Variants in NDUFAF5 observed in about 807,000 individuals in gnomAD.
The protein encoded by NDUFAF5 is arginine-hydroxylase NDUFAF5, mitochondrial.
In NDUFAF5, 34 loss-of-function variants were observed where a neutral mutation model predicts 48.9. The observed-to-expected ratio is 0.70, with a 90% CI of 0.53 to 0.93. The LOEUF is 0.93. Among genes scored for constraint, NDUFAF5 ranks in the 40% least tolerant of loss-of-function variants. The pLI, the probability that NDUFAF5 is intolerant of heterozygous loss-of-function variation, is 0.00. For synonymous variants in NDUFAF5, 153 were observed against 150.6 expected, an observed-to-expected ratio of 1.02 and a Z score of -0.12; for missense variants, 428 against 427.5, an observed-to-expected ratio of 1.00 and a Z score of -0.01.
chr20:13,785,305 CGGCG>C lies in NDUFAF5; in HGVS notation c.222+18_222+21del. On this transcript the variant is annotated intron_variant, in intron 1 of 10. Coordinates refer to ENST00000378106, the MANE Select transcript of NDUFAF5 (RefSeq NM_024120.5). ...TGAAGGAGGAGGTGAGCCCGCGGGG[CGGCG>C]GGGCGGCGGGGCGGGCGACGCGGAG... 6.6e-7 allele frequency: 1 copy of C among 1,521,974 alleles called. No homozygotes were observed. Among genetic ancestry groups the C allele is most frequent in the Non-Finnish European group, 8.9e-7 (1 of 1,121,378 alleles). 94.3% of individuals were successfully genotyped at this position (1,521,974 alleles called of 1,614,324 possible). A position where few individuals can be genotyped will look rare whatever the true frequency, so the allele number is the denominator to read the frequency against.
chr20:13,785,317 G>GGGGCGGCGGGGCGGCA, intron 1 of NDUFAF5, 27 bp downstream of exon 1: 2 of 1,446,804 alleles, frequency 1.4e-6, no homozygotes, highest in Non-Finnish European at 1.9e-6. Flanking sequence ...GCGGGGCGGC[G>GGGGCGGCGGGGCGGCA]GGGCGGGCGA....
At chr20:13,790,256 T>C (rs1355413325) in intron 3 of NDUFAF5, among the ~76,000 whole-genome samples, 1 of 152,132 alleles carries the variant, frequency 6.6e-6, no homozygotes, top group African/African-American at 2.4e-5. Context: ...ATGGGATGTA[T>C]GAGAGAGACC....
intron 2 of NDUFAF5, 108 bp downstream of exon 2, chr20:13,787,460 C>T: frequency 9.9e-7 from 1 of 1,011,064 alleles, no homozygotes; most frequent in Non-Finnish European, 1.6e-6. Context: ...GAAGAATTTA[C>T]TCAGACTGGT....
Position 13,817,320 on chromosome 20 carries a change from A to C in NDUFAF5, c.*110A>C, listed in dbSNP as rs117751358. On this transcript the variant is annotated 3_prime_UTR_variant, in exon 11 of 11. Coordinates refer to ENST00000378106, the MANE Select transcript of NDUFAF5 (RefSeq NM_024120.5). ...GAAGCACTCTAAGCTATTTACTAATAGGCTTTTCATATAATTAGGAAAACC... is the reference window on the plus strand; with the variant it reads ...GAAGCACTCTAAGCTATTTACTAATCGGCTTTTCATATAATTAGGAAAACC... The C allele has an allele frequency of 5.1e-3, 4,430 of 870,312 alleles. 17 individuals are homozygous for C. Among genetic ancestry groups the C allele is most frequent in the Non-Finnish European group, 7.2e-3 (3,634 of 506,900 alleles). 53.9% of individuals were successfully genotyped at this position (870,312 alleles called of 1,614,324 possible). A position where few individuals can be genotyped will look rare whatever the true frequency, so the allele number is the denominator to read the frequency against.
At chr20:13,789,294 A>G (rs753237460) in intron 3 of NDUFAF5, among the ~76,000 whole-genome samples, 3 of 151,510 alleles carry the variant, frequency 2.0e-5, no homozygotes, top group Non-Finnish European at 4.4e-5. Context: ...CCTCCCAAGT[A>G]GCTGGGATTA....
intron 3 of NDUFAF5, among the ~76,000 whole-genome samples, chr20:13,790,761 C>G (rs1380550891): frequency 6.6e-6 from 1 of 152,228 alleles, no homozygotes; most frequent in Non-Finnish European, 1.5e-5. Flanking sequence ...CTTGCAGTCT[C>G]TCAAACAGGC....
At chr20:13,785,833 C>A (rs533320500) in intron 1 of NDUFAF5, among the ~76,000 whole-genome samples, 1 of 152,078 alleles carries the variant, frequency 6.6e-6, no homozygotes. Context: ...TATATTGGGT[C>A]ACATGAAATA....
intron 3 of NDUFAF5, among the ~76,000 whole-genome samples, chr20:13,792,089 AG>A (rs1188967284): frequency 6.6e-6 from 1 of 152,198 alleles, no homozygotes; most frequent in African/African-American, 2.4e-5. Flanking sequence ...TTCCAACTCC[AG>A]GGACCTCTGC....
chr20:13,817,920 A>G lies in NDUFAF5; in HGVS notation c.*710A>G, dbSNP rs1381604692. ...GGAGGGTTCAAAATCATTTGGAGAT[A>G]ATCAAGCTCAGACAGCTTAGGATAG... On this transcript the variant is annotated 3_prime_UTR_variant, in exon 11 of 11. Transcript: ENST00000378106. The G allele has an allele frequency of 2.2e-6, 1 of 454,166 alleles. No individual in the cohort carries two copies. The highest frequency in any genetic ancestry group is 6.9e-5 in the East Asian group (1 of 14,404). 28.1% of individuals were successfully genotyped at this position (454,166 alleles called of 1,614,324 possible).
intron 4 of NDUFAF5, 32 bp from the exon 5 acceptor site, chr20:13,794,806 G>T (rs769702775): frequency 8.0e-7 from 1 of 1,242,896 alleles, no homozygotes; most frequent in Non-Finnish European, 1.2e-6. Flanking sequence ...CTACATAAAT[G>T]TGATTTTGAT....
chr20:13,803,192 G>T, intron 7 of NDUFAF5: 1 of 152,310 alleles, frequency 6.6e-6, no homozygotes, highest in Non-Finnish European at 1.5e-5. Context: ...TGTTGGAAAG[G>T]AGCCTCCAGG....
intron 3 of NDUFAF5, among the ~76,000 whole-genome samples, 189 bp downstream of exon 3, chr20:13,788,841 AG>A (rs1261966424): frequency 2.0e-5 from 3 of 151,944 alleles, no homozygotes; most frequent in African/African-American, 7.2e-5. Context: ...TTTTTCTTAA[AG>A]GGTTTTTCTC....
chr20:13,787,418 T>A, intron 2 of NDUFAF5, 66 bp downstream of exon 2: 1 of 1,447,418 alleles, frequency 6.9e-7, no homozygotes, highest in Non-Finnish European at 9.7e-7. Context: ...GATTAAATGC[T>A]GAGAACTTGC....
At chr20:13,793,286 AT>A in intron 4 of NDUFAF5, 59 bp downstream of exon 4, 3 of 1,359,352 alleles carry the variant, frequency 2.2e-6, no homozygotes, top group Non-Finnish European at 3.1e-6. Flanking sequence ...CTCATATTTT[AT>A]TTCTTTATTT....
chr20:13,800,511 A>G (rs1983961182), intron 6 of NDUFAF5, among the ~76,000 whole-genome samples: 1 of 152,232 alleles, frequency 6.6e-6, no homozygotes, highest in Admixed American at 6.5e-5. Flanking sequence ...TCTGAGAGTG[A>G]GCAAAATCTG....
chr20:13,806,487 C>T lies in NDUFAF5; in HGVS notation c.718-2355C>T, dbSNP rs1055988168. On this transcript the variant is annotated intron_variant, in intron 7 of 10. Coordinates refer to ENST00000378106, the MANE Select transcript of NDUFAF5 (RefSeq NM_024120.5). ...TCGCACCACTGCACTCCAGCCTGGG[C>T]GCTGGGTGGCAAAGTGAGACTCCGT... 3.3e-5 allele frequency among the ~76,000 whole-genome samples: 5 copies of T among 151,942 alleles called. No individual in the cohort carries two copies. The East Asian group carries it at 5.8e-4, about 18-fold the overall frequency.
rs1030493186 is a variant in NDUFAF5 at position 13,788,572 on chromosome 20, T to G, written c.264-17T>G. 4 of 1,594,856 alleles carry G rather than the reference T, an allele frequency of 2.5e-6. No individual in the cohort carries two copies. Among genetic ancestry groups the G allele is most frequent in the African/African-American group, 2.7e-5 (2 of 74,498 alleles). On this transcript the variant is annotated splice_polypyrimidine_tract_variant and intron_variant, in intron 2 of 10. Transcript: ENST00000378106. ...TGTGTTATGGACAGAGCATAACCTC[T>G]GTGTCTTTTTTTTTAGAAATTTCCC...
At chr20:13,806,064 T>G (rs747958231) in intron 7 of NDUFAF5, among the ~76,000 whole-genome samples, 34 of 152,382 alleles carry the variant, frequency 2.2e-4, no homozygotes, top group Non-Finnish European at 3.5e-4. Context: ...GGATTTTTAT[T>G]TTTAAAGTGA....
chr20:13,796,348 C>G (rs1983211307), intron 5 of NDUFAF5, among the ~76,000 whole-genome samples: 1 of 152,090 alleles, frequency 6.6e-6, no homozygotes, highest in African/African-American at 2.4e-5. Context: ...TATAAAGAAC[C>G]CTGGGCAGGG....
Sources: allele counts gnomAD v4.1 joint callset (sites outside exome capture counted in the v4.1 genomes callset), GRCh38; gene constraint gnomAD v4.1.1; transcripts MANE v1.5; gene names NCBI Gene and HGNC (gene_info 2026-07-23, HGNC 2026-07-21).